BICD1: variants seen among roughly 807,000 people sequenced by gnomAD.
The protein encoded by BICD1 is BICD cargo adaptor 1.
BICD1 carries 35 observed loss-of-function variants against 92.5 expected under a neutral mutation model. That is an observed-to-expected ratio of 0.38 (90% CI 0.29 to 0.50). The LOEUF is 0.50. BICD1 is among the 20% of genes least tolerant of loss of function. The probability of loss-of-function intolerance (pLI) is 0.93; values close to 1 mark genes in which losing one functional copy is unlikely to be tolerated. For synonymous variants in BICD1, 429 were observed against 465.1 expected (o/e 0.92, Z 1.00); for missense variants, 950 against 1,189.8 (o/e 0.80, Z 2.97).
At chr12:32,310,002 C>G (rs746522159) in intron 4 of BICD1, among the ~76,000 whole-genome samples, 2 of 150,464 alleles carry the variant, frequency 1.3e-5, no homozygotes, top group African/African-American at 4.8e-5. Flanking sequence ...TGGGAGAGGC[C>G]GCCTTGTGCC....
chr12:32,322,197 A>AT (rs763481874), intron 4 of BICD1, among the ~76,000 whole-genome samples: 2 of 152,014 alleles, frequency 1.3e-5, no homozygotes, highest in Non-Finnish European at 2.9e-5. Context: ...ATAGATAGAT[A>AT]GATATGATAT....
chr12:32,315,000 TG>T (rs1948463356), intron 4 of BICD1, among the ~76,000 whole-genome samples: 3 of 152,326 alleles, frequency 2.0e-5, no homozygotes, highest in Admixed American at 2.0e-4. Flanking sequence ...TTGTTGTTTG[TG>T]CTTTTGGTGT....
At chr12:32,182,502 T>G (rs971523672) in intron 1 of BICD1, among the ~76,000 whole-genome samples, 3 of 151,432 alleles carry the variant, frequency 2.0e-5, no homozygotes, top group Non-Finnish European at 3.0e-5. Flanking sequence ...AGGCTGGTCT[T>G]GAACTCCTGA....
At chr12:32,217,888 G>A (rs77092632) in intron 2 of BICD1, among the ~76,000 whole-genome samples, 12,576 of 152,236 alleles carry the variant, frequency 0.083, 567 homozygotes, top group Middle Eastern at 0.13. Context: ...CTCAGCAGCC[G>A]TGAGCAGCAG....
At chr12:32,273,390 A>C (rs1016747810) in intron 2 of BICD1, among the ~76,000 whole-genome samples, 1 of 152,202 alleles carries the variant, frequency 6.6e-6, no homozygotes, top group Admixed American at 6.5e-5. Flanking sequence ...GGGAGAAAGC[A>C]AGTACCAGCA....
chr12:32,339,495 G>A lies in BICD1; in HGVS notation c.2764+516G>A, dbSNP rs548555417. On this transcript the variant is annotated intron_variant, in intron 8 of 9. Transcript: ENST00000652176. ...GCTCCTCAAGAACATTTAGGTCTTAGTATAATGTTCTTGTAGATTGCAGGC... is the reference window on the plus strand; with the variant it reads ...GCTCCTCAAGAACATTTAGGTCTTAATATAATGTTCTTGTAGATTGCAGGC... 1.1e-5 allele frequency: 11 copies of A among 985,440 alleles called. No homozygotes were observed. The South Asian group carries it at 4.2e-4, about 38-fold the overall frequency. The allele number at this position is 985,440 out of a possible 1,614,324, so 61.0% of individuals were successfully genotyped here.
At chr12:32,284,711 C>T in intron 2 of BICD1, among the ~76,000 whole-genome samples, 1 of 152,162 alleles carries the variant, frequency 6.6e-6, no homozygotes, top group East Asian at 1.9e-4. Flanking sequence ...CTTTGTTAAA[C>T]AAAGGAATTT....
intron 2 of BICD1, among the ~76,000 whole-genome samples, chr12:32,285,820 C>G (rs1947548241): frequency 6.6e-6 from 1 of 152,038 alleles, no homozygotes; most frequent in Non-Finnish European, 1.5e-5. Context: ...TAGCAGAGCT[C>G]AGCGCCATCT....
chr12:32,209,081 A>G (rs1187908286), intron 1 of BICD1, among the ~76,000 whole-genome samples: 1 of 152,142 alleles, frequency 6.6e-6, no homozygotes, highest in Non-Finnish European at 1.5e-5. Context: ...TCAGCCTCCC[A>G]AACTGCTGGG....
chr12:32,185,262 C>A (rs1434212218), intron 1 of BICD1, among the ~76,000 whole-genome samples: 1 of 152,218 alleles, frequency 6.6e-6, no homozygotes. Flanking sequence ...AATCACAAAT[C>A]ATAAGCAATT....
intron 2 of BICD1, among the ~76,000 whole-genome samples, chr12:32,265,414 T>A (rs1209384100): frequency 6.6e-6 from 1 of 152,024 alleles, no homozygotes; most frequent in Non-Finnish European, 1.5e-5. Flanking sequence ...GGTTCTTTTG[T>A]TAAGAATTAC....
rs377321292 is a variant in BICD1, at chr12:32,238,194, G to A, written c.426+21735G>A. ...GAAGCGGGTGGATCACAAGCATAGA[G>A]TTCAAGACCAGCCTGGGCAACACAG... On this transcript the variant is annotated intron_variant, in intron 2 of 9. Transcript: ENST00000652176. Among the ~76,000 whole-genome samples, 19 of 152,216 alleles carry A rather than the reference G, an allele frequency of 1.2e-4. No individual in the cohort carries two copies. The South Asian group carries it at 3.9e-3, about 32-fold the overall frequency.
intron 7 of BICD1, 161 bp from the exon 8 acceptor site, chr12:32,338,625 C>G (rs1938227664): frequency 1.2e-5 from 7 of 589,034 alleles, no homozygotes; most frequent in Non-Finnish European, 1.9e-5. Context: ...GGGTTGTATC[C>G]TGATGTGGAA....
intron 1 of BICD1, among the ~76,000 whole-genome samples, chr12:32,135,078 C>CTCTCCCCTCCCCT (rs1942684792): frequency 1.1e-5 from 1 of 90,128 alleles, no homozygotes; most frequent in Non-Finnish European, 2.1e-5. Context: ...TCCCCTTCCC[C>CTCTCCCCTCCCCT]GCTCCCCTCC....
intron 8 of BICD1, among the ~76,000 whole-genome samples, chr12:32,364,217 G>A (rs1004623169): frequency 6.6e-6 from 1 of 152,206 alleles, no homozygotes. Context: ...CCAAACAACA[G>A]CAATGGCTTT....
At position 32,346,380 on chromosome 12, in the gene BICD1, G is replaced by A. The variant is rs550705624; in HGVS notation, c.2764+7401G>A. On this transcript the variant is annotated intron_variant, in intron 8 of 9. Transcript: ENST00000652176. ...AAAACTACAAAAATTAGCCAGGCAT[G>A]GTGGTGCATGCCTGTAGTTCCACCT... is the stretch of plus-strand genomic sequence containing the variant. Among the ~76,000 whole-genome samples, 344 of 147,526 alleles carry A rather than the reference G, an allele frequency of 2.3e-3. 1 individual carries two copies. Among genetic ancestry groups the A allele is most frequent in the African/African-American group, 8.1e-3 (326 of 40,270 alleles).
chr12:32,107,724 G>A, intron 1 of BICD1, 180 bp downstream of exon 1: 1 of 800,080 alleles, frequency 1.2e-6, no homozygotes, highest in South Asian at 1.4e-5. Flanking sequence ...GAGAAAAATT[G>A]CCTAAGAAAT....
chr12:32,270,967 G>C (rs1052746339), intron 2 of BICD1, among the ~76,000 whole-genome samples: 1 of 152,110 alleles, frequency 6.6e-6, no homozygotes, highest in South Asian at 2.1e-4. Flanking sequence ...GAGAGCAGCC[G>C]CTGGCCAGCC....
At chr12:32,111,062 C>G (rs923917156) in intron 1 of BICD1, among the ~76,000 whole-genome samples, 1 of 151,982 alleles carries the variant, frequency 6.6e-6, no homozygotes, top group African/African-American at 2.4e-5. Context: ...AAAAGAGCCC[C>G]TTAGAAAGGA....
Sources: gnomAD v4.1 joint callset for allele counts (sites outside exome capture counted in the v4.1 genomes callset) on GRCh38, gnomAD v4.1.1 for gene constraint, MANE v1.5 for transcripts, NCBI Gene and HGNC (gene_info 2026-07-23, HGNC 2026-07-21) for gene names.